Variants in INSR observed in about 807,000 individuals in gnomAD.
The protein encoded by INSR is IR.
A neutral mutation model predicts 142.6 loss-of-function variants in INSR; 67 were observed. That is an observed-to-expected ratio of 0.47 (90% confidence interval 0.39 to 0.58). The LOEUF (loss-of-function observed/expected upper bound fraction) is 0.58. Ranked by LOEUF, INSR falls within the 20% of genes least tolerant of loss-of-function variation. The probability of loss-of-function intolerance (pLI) is 0.00; values close to 1 mark genes in which losing one functional copy is unlikely to be tolerated. For synonymous variants in INSR, 756 were observed against 743.1 expected (o/e 1.02, Z -0.28); for missense variants, 1,248 against 1,833.2 (o/e 0.68, Z 5.83).
chr19:7,216,644 G>C lies in INSR; in HGVS notation c.653-32007C>G, dbSNP rs1416128897. Among the ~76,000 whole-genome samples, 1 of 152,150 alleles carries C rather than the reference G, an allele frequency of 6.6e-6. No individual in the cohort carries two copies. Among genetic ancestry groups the C allele is most frequent in the African/African-American group, 2.4e-5 (1 of 41,436 alleles). On this transcript the variant is annotated intron_variant, in intron 2 of 21. Transcript: ENST00000302850. The surrounding 1 kb of genome is among the most constrained non-coding windows in gnomAD (Gnocchi z 4.2). ...CCAGAAGCCACAGCAAGGCCATCAGGATGCTGGGGCCCCGTATCCACCTCT... is the reference window on the plus strand; with the variant it reads ...CCAGAAGCCACAGCAAGGCCATCAGCATGCTGGGGCCCCGTATCCACCTCT...
rs1413394321 is a variant in INSR at position 7,112,421 on chromosome 19, T to G, written c.*4635A>C. ...AAATAATAATTGAGCTGTTGGGGGG[T>G]TTTGTGTTTCTGAGTTGTTTTCTGC... is the stretch of plus-strand genomic sequence containing the variant. On this transcript the variant is annotated 3_prime_UTR_variant, in exon 22 of 22. Transcript: ENST00000302850. 2.6e-5 allele frequency: 4 copies of G among 151,932 alleles called. No homozygotes were observed. The highest frequency in any genetic ancestry group is 1.5e-5 in the Non-Finnish European group (1 of 67,998). 9.4% of individuals were successfully genotyped at this position (151,932 alleles called of 1,614,324 possible).
chr19:7,256,427 C>T (rs927448655), intron 2 of INSR, among the ~76,000 whole-genome samples: 10 of 151,698 alleles, frequency 6.6e-5, no homozygotes, highest in Admixed American at 2.0e-4. Context: ...TCAGCCTGGG[C>T]AACAGAGCAA....
chr19:7,178,506 G>T (rs12609574), intron 3 of INSR, among the ~76,000 whole-genome samples: 42,149 of 151,830 alleles, frequency 0.28, 6,160 homozygotes, highest in Non-Finnish European at 0.31. Context: ...GAATCACGAA[G>T]TCAGGAGTTT....
At chr19:7,241,926 G>T (rs1475779042) in intron 2 of INSR, among the ~76,000 whole-genome samples, 1 of 152,132 alleles carries the variant, frequency 6.6e-6, no homozygotes, top group Non-Finnish European at 1.5e-5. Flanking sequence ...GAAGGCCGCA[G>T]TAGGAGGATC....
At position 7,166,120 on chromosome 19, in the gene INSR, C is replaced by T. The variant is rs770441208; in HGVS notation, c.1861+34G>A. On this transcript the variant is annotated intron_variant, in intron 8 of 21. Coordinates refer to ENST00000302850, the MANE Select transcript of INSR (RefSeq NM_000208.4). The surrounding 1 kb of genome is among the most constrained non-coding windows in gnomAD (Gnocchi z 4.1). Reference sequence around the variant, plus strand: ...CCTATTAAAAGCAAGAGGTCTGATTCACATACGAATTCACATTCCCAAGAC... The same window carrying T: ...CCTATTAAAAGCAAGAGGTCTGATTTACATACGAATTCACATTCCCAAGAC... 1.2e-6 allele frequency: 2 copies of T among 1,612,544 alleles called. No individual in the cohort carries two copies. The highest frequency in any genetic ancestry group is 2.7e-5 in the African/African-American group (2 of 74,760).
chr19:7,247,642 T>C (rs1414815474), intron 2 of INSR, among the ~76,000 whole-genome samples: 2 of 152,176 alleles, frequency 1.3e-5, no homozygotes, highest in Non-Finnish European at 2.9e-5. Context: ...AGGAAAACCT[T>C]GGAGACTGGT....
At chr19:7,249,328 C>A (rs1336516303) in intron 2 of INSR, among the ~76,000 whole-genome samples, 1 of 152,092 alleles carries the variant, frequency 6.6e-6, no homozygotes, top group East Asian at 1.9e-4. Context: ...CAGTAAAATT[C>A]CTTTGCAAAT....
intron 2 of INSR, among the ~76,000 whole-genome samples, chr19:7,261,152 T>C (rs1253778459): frequency 1.3e-5 from 2 of 152,102 alleles, no homozygotes; most frequent in African/African-American, 2.4e-5. Context: ...CCTCCCAAAG[T>C]GCTGGCATTA....
chr19:7,130,329 C>T (rs983541871), intron 14 of INSR, among the ~76,000 whole-genome samples: 5 of 152,184 alleles, frequency 3.3e-5, no homozygotes, highest in Non-Finnish European at 7.3e-5. Context: ...ACCTCATGTT[C>T]TCACCCATAA....
chr19:7,124,378 A>C (rs866869183), intron 17 of INSR, among the ~76,000 whole-genome samples: 1 of 119,016 alleles, frequency 8.4e-6, no homozygotes, highest in African/African-American at 3.2e-5. Flanking sequence ...CAAAAAAAAA[A>C]AAAAAAAACA....
Position 7,146,236 on chromosome 19 carries a change from C to CCTTTTTTTTT in INSR, c.2268-3147_2268-3146insAAAAAAAAAG, listed in dbSNP as rs1424523294. Among the ~76,000 whole-genome samples, 2 of 110,756 alleles carry CCTTTTTTTTT rather than the reference C, an allele frequency of 1.8e-5. 1 individual carries two copies. The highest frequency in any genetic ancestry group is 3.8e-5 in the Non-Finnish European group (2 of 53,232). 72.7% of individuals were successfully genotyped at this position (110,756 alleles called of 152,430 possible). A position where few individuals can be genotyped will look rare whatever the true frequency, so the allele number is the denominator to read the frequency against. Reference sequence around the variant, plus strand: ...TTCAGTGCAGTATCTTTGTCAAGTTCTTTTTTTTTTTTTTTTTTTTTTGAG... The same window carrying CCTTTTTTTTT: ...TTCAGTGCAGTATCTTTGTCAAGTTCCTTTTTTTTTTTTTTTTTTTTTTTTTTTTTTTGAG... On this transcript the variant is annotated intron_variant, in intron 11 of 21. Transcript: ENST00000302850.
At chr19:7,135,767 G>C (rs959046433) in intron 13 of INSR, among the ~76,000 whole-genome samples, 1 of 151,890 alleles carries the variant, frequency 6.6e-6, no homozygotes, top group Non-Finnish European at 1.5e-5. Flanking sequence ...TCAGGAGTTT[G>C]AGACCAGCCT....
chr19:7,213,722 G>T (rs980520134), intron 2 of INSR, among the ~76,000 whole-genome samples: 13 of 152,222 alleles, frequency 8.5e-5, no homozygotes, highest in African/African-American at 3.1e-4. Context: ...GGGCACAGTG[G>T]CTCACGCCTG....
intron 2 of INSR, among the ~76,000 whole-genome samples, chr19:7,213,324 A>G (rs1234424580): frequency 7.1e-6 from 1 of 140,610 alleles, no homozygotes; most frequent in Admixed American, 7.5e-5. Flanking sequence ...AGCCTGGGCT[A>G]CAGAGCGACT....
chr19:7,258,930 C>T (rs1976972583), intron 2 of INSR, among the ~76,000 whole-genome samples: 1 of 145,160 alleles, frequency 6.9e-6, no homozygotes, highest in African/African-American at 2.5e-5. Context: ...CCTTCCTTCC[C>T]TCCTTCCTTT....
Position 7,170,603 on chromosome 19 carries a change from A to C in INSR, c.1417T>G (p.Ser473Ala). 3.1e-6 allele frequency: 5 copies of C among 1,613,844 alleles called. No individual in the cohort carries two copies. In the East Asian group the frequency reaches 8.9e-5, roughly 29 times the overall value. The change falls in exon 6 of 22, where the codon TCA (serine) becomes GCA (alanine). Residue 473 changes from serine to alanine, a missense_variant. By Grantham distance (99) the Ser-to-Ala change is moderately conservative. This residue lies in a region of INSR where 1,069 missense variants were observed against 1,654.0 expected (regional missense o/e 0.65). Coordinates refer to ENST00000302850, the MANE Select transcript of INSR (RefSeq NM_000208.4). Reference sequence around the variant, plus strand: ...CTCTCCTGGCGCCCCTTGGTTCCTGAAACTTCTTCCATCTTGTGGATTTCT... The same window carrying C: ...CTCTCCTGGCGCCCCTTGGTTCCTGCAACTTCTTCCATCTTGTGGATTTCT... ...LSEIHKMEEV[S>A]GTKGRQERND...
intron 2 of INSR, among the ~76,000 whole-genome samples, chr19:7,194,000 A>G (rs1487920307): frequency 2.0e-5 from 3 of 152,138 alleles, no homozygotes; most frequent in Non-Finnish European, 4.4e-5. Flanking sequence ...CCCAGCCAGG[A>G]AATACATTTT....
rs564909075 is a variant in INSR, at chr19:7,280,705, G to A, written c.101-12809C>T. ...GCACTCCAGCCTGGGCAACAAGAGC[G>A]AAACTCCATCTCAAAAAAAAAAACA... On this transcript the variant is annotated intron_variant, in intron 1 of 21. Transcript: ENST00000302850. Among the ~76,000 whole-genome samples, 32 of 149,336 alleles carry A rather than the reference G, an allele frequency of 2.1e-4. No homozygotes were observed. The East Asian group carries it at 5.9e-3, about 27-fold the overall frequency.
chr19:7,277,667 C>T (rs1162391116), intron 1 of INSR, among the ~76,000 whole-genome samples: 5 of 151,956 alleles, frequency 3.3e-5, no homozygotes, highest in Non-Finnish European at 5.9e-5. Flanking sequence ...CGTGGTGAGG[C>T]GCGTCTGTGC....
Sources: gnomAD v4.1 joint callset for allele counts (sites outside exome capture counted in the v4.1 genomes callset) on GRCh38, gnomAD v4.1.1 for gene constraint, gnomAD v4.1.1 regional missense constraint, Gnocchi (gnomAD v3.1) non-coding constraint, MANE v1.5 for transcripts, NCBI Gene and HGNC (gene_info 2026-07-23, HGNC 2026-07-21) for gene names.